The following COL19A1 variants were observed in gnomAD, a reference collection of about 807,000 sequenced individuals.
COL19A1 encodes the protein collagen alpha-1(XIX) chain.
A neutral mutation model predicts 190.2 loss-of-function variants in COL19A1; 159 were observed. The observed-to-expected ratio is 0.84, with a 90% CI of 0.73 to 0.95. The LOEUF is 0.95. COL19A1 is among the 40% of genes least tolerant of loss of function. COL19A1 has a pLI of 0.00. For missense variants in COL19A1, 1,418 were observed against 1,431.9 expected (o/e 0.99, Z 0.16); for synonymous variants, 509 against 458.9 (o/e 1.11, Z -1.39).
chr6:70,183,652 C>T (rs951794009), intron 44 of COL19A1, among the ~76,000 whole-genome samples: 3 of 152,136 alleles, frequency 2.0e-5, no homozygotes, highest in South Asian at 2.1e-4. Context: ...TCTTATTTAA[C>T]GTACTCTCAA....
intron 9 of COL19A1, among the ~76,000 whole-genome samples, chr6:69,949,103 T>C (rs937788925): frequency 2.0e-5 from 3 of 151,874 alleles, no homozygotes; most frequent in South Asian, 2.1e-4. Context: ...GGGTCTAATT[T>C]ACTTGAGTTA....
chr6:70,129,174 A>G (rs1785372611), intron 17 of COL19A1, among the ~76,000 whole-genome samples: 1 of 152,260 alleles, frequency 6.6e-6, no homozygotes, highest in Admixed American at 6.5e-5. Flanking sequence ...CAGTGGACGC[A>G]AAAAGCACTA....
intron 15 of COL19A1, among the ~76,000 whole-genome samples, chr6:70,083,158 A>G (rs1167155411): frequency 6.6e-6 from 1 of 152,194 alleles, no homozygotes; most frequent in African/African-American, 2.4e-5. Flanking sequence ...ATTAAAAACT[A>G]TATAATAGTG....
Position 70,107,331 on chromosome 6 carries a change from G to A in COL19A1, c.1278+5109G>A, listed in dbSNP as rs140527896. ...AGATGGTATAGGATAGCATAGGATGGCGGTGAGGAACTTAGTCCTTCTCCT... is the reference window on the plus strand; with the variant it reads ...AGATGGTATAGGATAGCATAGGATGACGGTGAGGAACTTAGTCCTTCTCCT... On this transcript the variant is annotated intron_variant, in intron 16 of 50. Coordinates refer to ENST00000620364, the MANE Select transcript of COL19A1 (RefSeq NM_001858.6). 6.1e-3 allele frequency among the ~76,000 whole-genome samples: 925 copies of A among 152,222 alleles called. 12 individuals carry two copies. Among genetic ancestry groups the A allele is most frequent in the African/African-American group, 0.021 (875 of 41,548 alleles).
In COL19A1 at chr6:70,180,477, T is replaced by C. The variant is rs746275038; in HGVS notation, c.2729T>C (p.Val910Ala). Residue 910 changes from valine (V) to alanine (A), a missense_variant, in exon 44 of 51, where the codon GTT (valine) becomes GCT (alanine). Coordinates refer to ENST00000620364, the MANE Select transcript of COL19A1 (RefSeq NM_001858.6). ...TGTTTATAGGGTGAGAGAGGACCTGTTGGAGATATAGGTTTCCCTGGACCA... is the reference window on the plus strand; with the variant it reads ...TGTTTATAGGGTGAGAGAGGACCTGCTGGAGATATAGGTTTCCCTGGACCA... ...VPGEPGERGPVGDIGFPGPEG... is the reference protein window; with the variant it reads ...VPGEPGERGPAGDIGFPGPEG... 32 of 1,614,134 alleles carry C rather than the reference T, an allele frequency of 2.0e-5. No individual in the cohort carries two copies. The highest frequency in any genetic ancestry group is 1.6e-4 in the Middle Eastern group (1 of 6,062).
At chr6:70,035,865 G>A in intron 13 of COL19A1, 39 bp from the exon 14 acceptor site, 1 of 1,570,502 alleles carries the variant, frequency 6.4e-7, no homozygotes, top group Middle Eastern at 1.7e-4. Flanking sequence ...TGCAAAAAGG[G>A]ACTAGTGGTA....
At chr6:70,146,398 T>C (rs55872722) in intron 25 of COL19A1, among the ~76,000 whole-genome samples, 155 of 152,242 alleles carry the variant, frequency 1.0e-3, no homozygotes, top group African/African-American at 3.5e-3. Flanking sequence ...TTCATCTCCT[T>C]TGAACTTTTT....
chr6:69,882,592 A>G (rs1417095680), intron 2 of COL19A1, among the ~76,000 whole-genome samples: 3 of 152,230 alleles, frequency 2.0e-5, no homozygotes, highest in African/African-American at 7.2e-5. Context: ...AATAAGAAAC[A>G]GAAAACCAGA....
At chr6:70,182,817 T>C (rs538906193) in intron 44 of COL19A1, among the ~76,000 whole-genome samples, 38 of 152,146 alleles carry the variant, frequency 2.5e-4, no homozygotes, top group African/African-American at 8.0e-4. Flanking sequence ...AGAGGAAAAT[T>C]TGATGACACA....
chr6:69,934,319 C>T (rs1235692408), intron 7 of COL19A1, among the ~76,000 whole-genome samples: 1 of 151,946 alleles, frequency 6.6e-6, no homozygotes, highest in Non-Finnish European at 1.5e-5. Flanking sequence ...ACCTAGACTT[C>T]CTGGAGCTAC....
At chr6:69,921,336 CTA>C (rs946840053) in intron 4 of COL19A1, among the ~76,000 whole-genome samples, 185 of 103,696 alleles carry the variant, frequency 1.8e-3, no homozygotes, top group South Asian at 8.4e-3. Context: ...TATCATATAT[CTA>C]TATATATCAT....
intron 3 of COL19A1, 47 bp downstream of exon 3, chr6:69,899,069 C>T (rs770369216): frequency 3.1e-5 from 38 of 1,238,546 alleles, no homozygotes; most frequent in Admixed American, 5.2e-5. Context: ...GTAAAATTAT[C>T]ACCAAATGCT....
In COL19A1 at chr6:69,892,087, G is replaced by A. The variant is rs188879774; in HGVS notation, c.92-6861G>A. Among the ~76,000 whole-genome samples, 226 of 152,336 alleles carry A rather than the reference G, an allele frequency of 1.5e-3. 1 individual carries two copies. Among genetic ancestry groups the A allele is most frequent in the South Asian group, 5.8e-3 (28 of 4,824 alleles). On this transcript the variant is annotated intron_variant, in intron 2 of 50. Coordinates refer to ENST00000620364, the MANE Select transcript of COL19A1 (RefSeq NM_001858.6). ...GACACCCAGATAACTGGTAGCTATA[G>A]TTATGCTTGCTAAGATTTGGGTGCA...
At position 70,180,458 on chromosome 6, in the gene COL19A1, T is replaced by C. The variant is rs1766100889; in HGVS notation, c.2713-3T>C. 2 of 1,614,140 alleles carry C rather than the reference T, an allele frequency of 1.2e-6. No homozygotes were observed. Among genetic ancestry groups the C allele is most frequent in the Non-Finnish European group, 1.7e-6 (2 of 1,180,010 alleles). On this transcript the variant is annotated splice_region_variant and splice_polypyrimidine_tract_variant and intron_variant, in intron 43 of 50. Coordinates refer to ENST00000620364, the MANE Select transcript of COL19A1 (RefSeq NM_001858.6). Reference sequence around the variant, plus strand: ...TAATTTGTGTCTGTGGATGTGTTTATAGGGTGAGAGAGGACCTGTTGGAGA... The same window carrying C: ...TAATTTGTGTCTGTGGATGTGTTTACAGGGTGAGAGAGGACCTGTTGGAGA...
At chr6:69,915,734 T>C (rs558914280) in intron 4 of COL19A1, among the ~76,000 whole-genome samples, 175 of 152,306 alleles carry the variant, frequency 1.1e-3, no homozygotes, top group African/African-American at 4.0e-3. Flanking sequence ...AAATTACTTA[T>C]CTTTTAGTTA....
intron 11 of COL19A1, among the ~76,000 whole-genome samples, chr6:70,018,583 T>C (rs565444133): frequency 6.6e-6 from 1 of 152,214 alleles, no homozygotes; most frequent in African/African-American, 2.4e-5. Flanking sequence ...CTGATAGACA[T>C]TGTCTTCACT....
chr6:70,072,199 G>T (rs1052105577), intron 15 of COL19A1, among the ~76,000 whole-genome samples: 11 of 152,140 alleles, frequency 7.2e-5, no homozygotes, highest in Admixed American at 6.6e-4. Flanking sequence ...TTAAGATGTA[G>T]GTTCCTTGCA....
At position 70,116,799 on chromosome 6, in the gene COL19A1, A is replaced by G. The variant is rs1217455507; in HGVS notation, c.1279-5081A>G. Among the ~76,000 whole-genome samples, 5 of 152,194 alleles carry G rather than the reference A, an allele frequency of 3.3e-5. No homozygotes were observed. The East Asian group carries it at 7.7e-4, about 23-fold the overall frequency. ...TCTTACAGAAAAGCGATTTTTTAGC[A>G]CTTTTGAAGAGAGTTGGTTAGTACA... On this transcript the variant is annotated intron_variant, in intron 16 of 50. Transcript: ENST00000620364.
chr6:70,092,210 G>A (rs1040436842), intron 15 of COL19A1, among the ~76,000 whole-genome samples: 8 of 151,968 alleles, frequency 5.3e-5, no homozygotes, highest in South Asian at 2.1e-4. Context: ...CCCTGTTTGA[G>A]GACTTTTCAG....
Sources: allele counts gnomAD v4.1 joint callset (sites outside exome capture counted in the v4.1 genomes callset), GRCh38; gene constraint gnomAD v4.1.1; transcripts MANE v1.5; gene names NCBI Gene and HGNC (gene_info 2026-07-23, HGNC 2026-07-21).